PHF24: variants seen among roughly 807,000 people sequenced by gnomAD.
PHF24 encodes PHD finger protein 24.
In PHF24, 25 loss-of-function variants were observed where a neutral mutation model predicts 42.6. The ratio of observed to expected loss-of-function variants is 0.59; its 90% confidence interval spans 0.43 to 0.82. The LOEUF is 0.82. PHF24 is among the 40% of genes least tolerant of loss of function. The probability of loss-of-function intolerance (pLI) is 0.00; values close to 1 mark genes in which losing one functional copy is unlikely to be tolerated. For synonymous variants in PHF24, 185 were observed against 204.8 expected, an observed-to-expected ratio of 0.90 and a Z score of 0.83; for missense variants, 470 against 538.1, an observed-to-expected ratio of 0.87 and a Z score of 1.25.
At chr9:34,729,308 T>G in the PHF24 span, 1 of 1,552,196 alleles carries the variant, frequency 6.4e-7, no homozygotes, top group Non-Finnish European at 8.7e-7. Flanking sequence ...TTTTAGGTTC[T>G]GAACTCAATT....
the PHF24 span, among the ~76,000 whole-genome samples, chr9:34,899,851 T>C: frequency 6.6e-6 from 1 of 152,214 alleles, no homozygotes; most frequent in Non-Finnish European, 1.5e-5. Flanking sequence ...CCCAGCCTTA[T>C]ATCAGAATCA....
the PHF24 span, among the ~76,000 whole-genome samples, chr9:34,698,621 C>T: frequency 2.0e-5 from 3 of 152,148 alleles, no homozygotes; most frequent in African/African-American, 7.2e-5. Flanking sequence ...GCTAGGACTG[C>T]GGGCATGCAC....
the PHF24 span, among the ~76,000 whole-genome samples, chr9:34,850,613 T>G: frequency 1.3e-5 from 2 of 152,274 alleles, no homozygotes; most frequent in African/African-American, 4.8e-5. Flanking sequence ...GTCGAAGTCA[T>G]TCTCCATCCA....
At chr9:34,821,748 C>T in the PHF24 span, among the ~76,000 whole-genome samples, 1 of 152,210 alleles carries the variant, frequency 6.6e-6, no homozygotes, top group South Asian at 2.1e-4. Flanking sequence ...TGAGACCCAG[C>T]TCATGCTTGC....
At chr9:34,785,384 A>G in the PHF24 span, among the ~76,000 whole-genome samples, 46,293 of 152,120 alleles carry the variant, frequency 0.3, 7,472 homozygotes, top group East Asian at 0.56. Context: ...CATAACGGGG[A>G]TTAAGTTGCA....
chr9:34,831,052 G>A, the PHF24 span, among the ~76,000 whole-genome samples: 3 of 152,218 alleles, frequency 2.0e-5, no homozygotes, highest in African/African-American at 7.2e-5. Flanking sequence ...GCATTAAATT[G>A]TAGATTTGTG....
the PHF24 span, among the ~76,000 whole-genome samples, chr9:34,886,623 G>T: frequency 1.3e-5 from 2 of 152,032 alleles, no homozygotes; most frequent in African/African-American, 4.8e-5. Context: ...TCTGCCTACT[G>T]GTTCTTCCTC....
exon 3 of PHF24, chr9:34,972,381 C>A (rs1251059206): frequency 6.2e-7 from 1 of 1,613,480 alleles, no homozygotes; most frequent in Non-Finnish European, 8.5e-7. Flanking sequence ...TTTGTGAGGT[C>A]TGGACAGCTG....
the PHF24 span, among the ~76,000 whole-genome samples, chr9:34,920,887 A>T: frequency 2.6e-5 from 4 of 152,182 alleles, no homozygotes; most frequent in Admixed American, 2.6e-4. Context: ...TTCAGTTCTA[A>T]TAGTTTTGTA....
chr9:34,850,738 T>C, the PHF24 span, among the ~76,000 whole-genome samples: 6 of 152,216 alleles, frequency 3.9e-5, no homozygotes, highest in Non-Finnish European at 8.8e-5. Context: ...TTTTATCTAC[T>C]TTTGGTCTTT....
the PHF24 span, among the ~76,000 whole-genome samples, chr9:34,718,937 C>T: frequency 6.6e-6 from 1 of 152,240 alleles, no homozygotes; most frequent in East Asian, 1.9e-4. Context: ...TTCACCATGA[C>T]ATGATGTTAC....
the PHF24 span, among the ~76,000 whole-genome samples, chr9:34,893,935 T>C: frequency 3.3e-5 from 5 of 152,170 alleles, no homozygotes; most frequent in Admixed American, 2.0e-4. Context: ...GCTGATATAC[T>C]CAATATCTTT....
chr9:34,703,180 A>AT, the PHF24 span, among the ~76,000 whole-genome samples: 34 of 149,668 alleles, frequency 2.3e-4, no homozygotes, highest in Admixed American at 6.0e-4. Flanking sequence ...CATAATTTAA[A>AT]TTTTTTTTTT....
At chr9:34,864,943 G>A in the PHF24 span, among the ~76,000 whole-genome samples, 56 of 151,994 alleles carry the variant, frequency 3.7e-4, no homozygotes, top group African/African-American at 1.1e-3. Flanking sequence ...TTGGGAGGCC[G>A]AGGCAGGCAG....
chr9:34,818,695 C>T, the PHF24 span, among the ~76,000 whole-genome samples: 1 of 152,148 alleles, frequency 6.6e-6, no homozygotes, highest in African/African-American at 2.4e-5. Context: ...CACACTGGCT[C>T]ATTTCTGTAA....
At chr9:34,823,470 C>T in the PHF24 span, among the ~76,000 whole-genome samples, 8 of 152,146 alleles carry the variant, frequency 5.3e-5, no homozygotes. Flanking sequence ...CTTCGGGTCC[C>T]ATCCTTGCCT....
the PHF24 span, among the ~76,000 whole-genome samples, chr9:34,808,579 G>T: frequency 6.6e-6 from 1 of 152,124 alleles, no homozygotes; most frequent in African/African-American, 2.4e-5. Context: ...CAGTTCTGGA[G>T]GCTGGGAAGT....
the PHF24 span, among the ~76,000 whole-genome samples, chr9:34,856,106 G>GT: frequency 6.6e-6 from 1 of 152,108 alleles, no homozygotes; most frequent in African/African-American, 2.4e-5. Flanking sequence ...CTTGTGTTGT[G>GT]TTTTTTAGCT....
upstream of PHF24, among the ~76,000 whole-genome samples, chr9:34,954,178 G>T (rs570441954): frequency 6.6e-6 from 1 of 152,104 alleles, no homozygotes; most frequent in East Asian, 1.9e-4. Flanking sequence ...ACACACAAAG[G>T]ATGGAAGGAT....
Sources: allele counts gnomAD v4.1 joint callset (sites outside exome capture counted in the v4.1 genomes callset), GRCh38; gene constraint gnomAD v4.1.1; transcripts MANE v1.5; gene names NCBI Gene and HGNC (gene_info 2026-07-23, HGNC 2026-07-21).